Variants in NOX4 observed in about 807,000 individuals in gnomAD.
NOX4 encodes the protein kidney oxidase-1.
In NOX4, 69 loss-of-function variants were observed where a neutral mutation model predicts 87.6. The ratio of observed to expected loss-of-function variants is 0.79; its 90% CI spans 0.65 to 0.96. The LOEUF (loss-of-function observed/expected upper bound fraction) is 0.96. Ranked by LOEUF, NOX4 falls within the 40% of genes least tolerant of loss-of-function variation. NOX4 has a pLI of 0.00. For missense variants in NOX4, 680 were observed against 681.5 expected, an observed-to-expected ratio of 1.00 and a Z score of 0.02; for synonymous variants, 275 against 238.2, an observed-to-expected ratio of 1.15 and a Z score of -1.42.
Position 89,337,513 on chromosome 11 carries a change from A to G in NOX4, c.1449T>C (p.Phe483=). 6.2e-7 allele frequency: 1 copy of G among 1,611,742 alleles called. No homozygotes were observed. The highest frequency in any genetic ancestry group is 8.5e-7 in the Non-Finnish European group (1 of 1,178,474). ...ADLLCMLHNK[F]WQENRPDYVN... ...CATAGTCAGGTCTGTTCTCTTGCCAAAACTGAGAGGACAGAAAAAGGAATA... is the reference window on the plus strand; with the variant it reads ...CATAGTCAGGTCTGTTCTCTTGCCAGAACTGAGAGGACAGAAAAAGGAATA... Residue 483 remains phenylalanine, a splice_region_variant and synonymous_variant, in exon 16 of 18, where the codon TTT becomes TTC. Coordinates refer to ENST00000263317, the MANE Select transcript of NOX4 (RefSeq NM_016931.5).
the NOX4 span, among the ~76,000 whole-genome samples, chr11:89,553,806 ACCAGATAACTG>A: frequency 2.6e-5 from 4 of 151,962 alleles, no homozygotes; most frequent in Admixed American, 2.0e-4. Flanking sequence ...TTTTATCTTT[ACCAGATAACTG>A]GGGTGACCAT....
the NOX4 span, among the ~76,000 whole-genome samples, chr11:89,569,110 T>C: frequency 6.6e-6 from 1 of 151,014 alleles, no homozygotes; most frequent in Non-Finnish European, 1.5e-5. Context: ...TATAAAACCC[T>C]AGAATAACAC....
intron 2 of NOX4, among the ~76,000 whole-genome samples, chr11:89,464,559 G>A (rs1591320907): frequency 6.6e-6 from 1 of 152,180 alleles, no homozygotes; most frequent in Admixed American, 6.5e-5. Flanking sequence ...ACAAGCATCA[G>A]TTACTTCAGG....
rs189173748 is a variant in NOX4, at chr11:89,379,653, C to A, written c.1075-6161G>T. On this transcript the variant is annotated intron_variant, in intron 11 of 17. Coordinates refer to ENST00000263317, the MANE Select transcript of NOX4 (RefSeq NM_016931.5). ...ATTTCCATCAGAACCTCCTCTCCAA[C>A]CCCAACCTTCCCTATCTCAGTTAAT... 4.5e-4 allele frequency among the ~76,000 whole-genome samples: 69 copies of A among 152,286 alleles called. 1 individual carries two copies. The East Asian group carries it at 0.012, about 26-fold the overall frequency.
Position 89,486,624 on chromosome 11 carries a change from GTATA to G in NOX4, c.153+3830_153+3833del, listed in dbSNP as rs1946626353. Among the ~76,000 whole-genome samples the G allele has an allele frequency of 2.3e-5, 3 of 129,956 alleles. 1 individual carries two copies. The highest frequency in any genetic ancestry group is 9.0e-5 in the African/African-American group (3 of 33,156). The allele number at this position is 129,956 out of a possible 152,430, so 85.3% of individuals were successfully genotyped here. On this transcript the variant is annotated intron_variant, in intron 2 of 17. Coordinates refer to ENST00000263317, the MANE Select transcript of NOX4 (RefSeq NM_016931.5). Reference sequence around the variant, plus strand: ...TACATATATATGTGTGTATATATGTGTATATATACATATATATGTGTGTATATAT... The same window carrying G: ...TACATATATATGTGTGTATATATGTGTATACATATATATGTGTGTATATAT...
chr11:89,521,765 T>A, the NOX4 span, among the ~76,000 whole-genome samples: 3 of 152,086 alleles, frequency 2.0e-5, no homozygotes, highest in South Asian at 6.2e-4. Flanking sequence ...TGGGAGAAGA[T>A]AATCACAAAC....
chr11:89,437,211 C>G (rs1215765072), intron 6 of NOX4, among the ~76,000 whole-genome samples: 1 of 151,594 alleles, frequency 6.6e-6, no homozygotes, highest in East Asian at 1.9e-4. Context: ...AAAAAAAATA[C>G]AAAAAACTTA....
At chr11:89,436,615 C>A (rs1944093256) in intron 6 of NOX4, among the ~76,000 whole-genome samples, 1 of 151,854 alleles carries the variant, frequency 6.6e-6, no homozygotes, top group African/African-American at 2.4e-5. Flanking sequence ...CTAGATGAAC[C>A]TGAGAGATTG....
intron 13 of NOX4, among the ~76,000 whole-genome samples, chr11:89,352,366 A>T (rs1946497824): frequency 6.6e-6 from 1 of 152,184 alleles, no homozygotes; most frequent in Non-Finnish European, 1.5e-5. Context: ...GCCTGCTAAC[A>T]TTACATCCAT....
intron 2 of NOX4, among the ~76,000 whole-genome samples, chr11:89,456,957 G>T (rs909548374): frequency 1.3e-5 from 2 of 152,168 alleles, no homozygotes; most frequent in African/African-American, 4.8e-5. Context: ...CTGTCTGCTG[G>T]CCTCTCCTGG....
the NOX4 span, among the ~76,000 whole-genome samples, chr11:89,523,134 C>A: frequency 6.6e-6 from 1 of 152,116 alleles, no homozygotes; most frequent in Admixed American, 6.5e-5. Context: ...AGTGATTCTC[C>A]TGCCTCAGCC....
chr11:89,419,241 A>G (rs916338960), intron 8 of NOX4, among the ~76,000 whole-genome samples: 9 of 152,018 alleles, frequency 5.9e-5, no homozygotes, highest in African/African-American at 1.9e-4. Context: ...CCTAAAGCAT[A>G]CTGTTGAACA....
intron 7 of NOX4, among the ~76,000 whole-genome samples, chr11:89,432,392 T>C (rs894417857): frequency 1.3e-5 from 2 of 151,792 alleles, no homozygotes; most frequent in African/African-American, 2.4e-5. Context: ...CAATGTTAAA[T>C]CTTAAAAATA....
chr11:89,429,580 A>G (rs961913073), intron 7 of NOX4, among the ~76,000 whole-genome samples: 1 of 152,134 alleles, frequency 6.6e-6, no homozygotes, highest in African/African-American at 2.4e-5. Flanking sequence ...TACTATAAAC[A>G]CCTCTACGCA....
At chr11:89,561,733 C>G in the NOX4 span, among the ~76,000 whole-genome samples, 1 of 152,102 alleles carries the variant, frequency 6.6e-6, no homozygotes. Context: ...AAACAAAATT[C>G]TTGCTCTTGA....
chr11:89,555,247 G>A, the NOX4 span, among the ~76,000 whole-genome samples: 1 of 152,094 alleles, frequency 6.6e-6, no homozygotes, highest in African/African-American at 2.4e-5. Flanking sequence ...ACTTTGGAAG[G>A]CCAAGGCAGG....
chr11:89,401,476 C>T (rs1472720107), intron 9 of NOX4, among the ~76,000 whole-genome samples: 1 of 152,062 alleles, frequency 6.6e-6, no homozygotes, highest in African/African-American at 2.4e-5. Context: ...CCAAAGTCAT[C>T]TACAAATTCA....
At chr11:89,366,268 T>G (rs1468263736) in intron 12 of NOX4, among the ~76,000 whole-genome samples, 7 of 152,086 alleles carry the variant, frequency 4.6e-5, no homozygotes, top group Admixed American at 3.9e-4. Flanking sequence ...AAGCAACTTT[T>G]AGGAACAGAA....
chr11:89,444,542 C>G (rs913078605), intron 4 of NOX4, among the ~76,000 whole-genome samples: 13 of 151,600 alleles, frequency 8.6e-5, no homozygotes, highest in African/African-American at 2.7e-4. Flanking sequence ...CACACACACA[C>G]ACACACACAT....
Sources: allele counts gnomAD v4.1 joint callset (sites outside exome capture counted in the v4.1 genomes callset), GRCh38; gene constraint gnomAD v4.1.1; transcripts MANE v1.5; gene names NCBI Gene and HGNC (gene_info 2026-07-23, HGNC 2026-07-21).